Variants in REDIC1 observed in about 807,000 individuals in gnomAD.
REDIC1 encodes the protein HEI10 Interacting Protein 1.
the REDIC1 span, among the ~76,000 whole-genome samples, chr12:39,649,712 T>A: frequency 5.3e-5 from 8 of 151,932 alleles, no homozygotes; most frequent in Non-Finnish European, 7.4e-5. Context: ...GCCAATATAA[T>A]AAGTTACATT....
At chr12:39,866,532 G>A in the REDIC1 span, among the ~76,000 whole-genome samples, 1 of 151,954 alleles carries the variant, frequency 6.6e-6, no homozygotes, top group Admixed American at 6.6e-5. Context: ...TGGTTGGAGT[G>A]CAGTGGCGCG....
chr12:39,776,907 A>C, the REDIC1 span, among the ~76,000 whole-genome samples: 1 of 152,168 alleles, frequency 6.6e-6, no homozygotes, highest in Non-Finnish European at 1.5e-5. Context: ...AGGTTTTTCT[A>C]TGTTGGCAAC....
chr12:39,715,232 T>G, the REDIC1 span, among the ~76,000 whole-genome samples: 1 of 151,964 alleles, frequency 6.6e-6, no homozygotes. Flanking sequence ...CTTGAGTTGA[T>G]TTTTTGTCTA....
At chr12:39,882,412 T>G in the REDIC1 span, among the ~76,000 whole-genome samples, 1 of 152,218 alleles carries the variant, frequency 6.6e-6, no homozygotes, top group Non-Finnish European at 1.5e-5. Flanking sequence ...CTGTTAATCC[T>G]TTGTTATACT....
chr12:39,676,044 C>T, the REDIC1 span, among the ~76,000 whole-genome samples: 20 of 151,966 alleles, frequency 1.3e-4, no homozygotes, highest in East Asian at 3.9e-4. Flanking sequence ...AACAAGTTTC[C>T]GTAACACCCC....
the REDIC1 span, among the ~76,000 whole-genome samples, chr12:39,797,640 A>T: frequency 3.9e-5 from 6 of 152,136 alleles, no homozygotes; most frequent in Admixed American, 2.0e-4. Flanking sequence ...AATATGAAGC[A>T]GATAATGTCA....
the REDIC1 span, chr12:39,716,822 G>T: frequency 6.3e-7 from 1 of 1,596,906 alleles, no homozygotes. Context: ...AGCTGTTTCA[G>T]TTCTAGTTCA....
At chr12:39,760,949 A>G in the REDIC1 span, among the ~76,000 whole-genome samples, 2 of 4,370 alleles carry the variant, frequency 4.6e-4, no homozygotes, top group Non-Finnish European at 1.0e-3. Context: ...ACCTGTCTCT[A>G]CCAAACACAC....
At chr12:39,714,037 G>A in the REDIC1 span, among the ~76,000 whole-genome samples, 2 of 9,274 alleles carry the variant, frequency 2.2e-4, no homozygotes, top group Non-Finnish European at 1.1e-3. Context: ...ATATATACAT[G>A]TATATACACA....
the REDIC1 span, chr12:39,683,606 C>A: frequency 1.4e-4 from 97 of 696,412 alleles, no homozygotes; most frequent in East Asian, 2.6e-3. Context: ...GCAACCTGGT[C>A]TCAAAGGAGC....
At chr12:39,895,225 AC>A in the REDIC1 span, among the ~76,000 whole-genome samples, 1 of 151,936 alleles carries the variant, frequency 6.6e-6, no homozygotes, top group Admixed American at 6.6e-5. Flanking sequence ...TCAGGATGTA[AC>A]TAAACTGAAT....
At chr12:39,864,929 T>C in the REDIC1 span, 1 of 1,542,442 alleles carries the variant, frequency 6.5e-7, no homozygotes, top group Non-Finnish European at 8.8e-7. Flanking sequence ...ACAATATTGT[T>C]TTAAGGCAGA....
the REDIC1 span, among the ~76,000 whole-genome samples, chr12:39,749,109 C>G: frequency 6.6e-6 from 1 of 151,896 alleles, no homozygotes; most frequent in East Asian, 1.9e-4. Context: ...AAAAACCCTT[C>G]AAAAAATCAA....
the REDIC1 span, among the ~76,000 whole-genome samples, chr12:39,861,764 A>G: frequency 5.3e-5 from 8 of 152,212 alleles, no homozygotes; most frequent in Admixed American, 4.6e-4. Flanking sequence ...CTGGGACCCT[A>G]TGACAGCTTT....
At chr12:39,712,908 C>A in the REDIC1 span, among the ~76,000 whole-genome samples, 1 of 141,500 alleles carries the variant, frequency 7.1e-6, no homozygotes, top group African/African-American at 2.6e-5. Flanking sequence ...CGTGTATATA[C>A]GTATATACAT....
the REDIC1 span, among the ~76,000 whole-genome samples, chr12:39,661,318 A>T: frequency 4.6e-5 from 7 of 150,978 alleles, no homozygotes; most frequent in African/African-American, 1.7e-4. Context: ...GCTGTTTGTT[A>T]TTTTTTTGTT....
At chr12:39,809,806 C>A in the REDIC1 span, among the ~76,000 whole-genome samples, 2 of 152,214 alleles carry the variant, frequency 1.3e-5, no homozygotes, top group South Asian at 4.1e-4. Flanking sequence ...TGGTTTCCAG[C>A]TTCATCCATG....
the REDIC1 span, among the ~76,000 whole-genome samples, chr12:39,891,502 A>G: frequency 6.6e-6 from 1 of 152,192 alleles, no homozygotes; most frequent in Non-Finnish European, 1.5e-5. Context: ...AATCTGTAAT[A>G]TATTTACTCA....
the REDIC1 span, among the ~76,000 whole-genome samples, chr12:39,810,098 G>GT: frequency 1.3e-5 from 2 of 152,140 alleles, no homozygotes; most frequent in African/African-American, 4.8e-5. Context: ...TTCCACAATG[G>GT]TTGGACTAGT....
Sources: allele counts gnomAD v4.1 joint callset (sites outside exome capture counted in the v4.1 genomes callset), GRCh38; gene constraint gnomAD v4.1.1; transcripts MANE v1.5; gene names NCBI Gene and HGNC (gene_info 2026-07-23, HGNC 2026-07-21).